The following NTRK3 variants were observed in gnomAD, a reference collection of about 807,000 sequenced individuals.
NTRK3 encodes the protein NT-3 growth factor receptor.
Under a neutral mutation model 91.7 loss-of-function variants are expected in NTRK3, and 24 were observed. That is an observed-to-expected ratio of 0.26 (90% CI 0.19 to 0.37). NTRK3 has a LOEUF of 0.37. Among genes scored for constraint, NTRK3 ranks in the 10% least tolerant of loss-of-function variants. The pLI is 1.00. For synonymous variants in NTRK3, 483 were observed against 404.0 expected (o/e 1.20, Z -2.34); for missense variants, 880 against 1,068.9 (o/e 0.82, Z 2.46).
chr15:88,228,538 G>A (rs1178510400), intron 3 of NTRK3, among the ~76,000 whole-genome samples: 1 of 152,106 alleles, frequency 6.6e-6, no homozygotes, highest in Non-Finnish European at 1.5e-5. Flanking sequence ...CTTCCTCTTG[G>A]TCAGTTGTGA....
chr15:88,028,378 G>A (rs1038654112), intron 14 of NTRK3, among the ~76,000 whole-genome samples: 2 of 152,212 alleles, frequency 1.3e-5, no homozygotes, highest in Admixed American at 1.3e-4. Flanking sequence ...AATCAGCACA[G>A]TGGAAAGTGA....
chr15:88,217,665 G>GA (rs1180021857), intron 3 of NTRK3, among the ~76,000 whole-genome samples: 1 of 152,218 alleles, frequency 6.6e-6, no homozygotes, highest in Admixed American at 6.5e-5. Context: ...AAGAGTTTGG[G>GA]AGACCAGTTA....
intron 14 of NTRK3, among the ~76,000 whole-genome samples, chr15:88,021,029 G>A (rs560815405): frequency 2.0e-5 from 3 of 152,190 alleles, no homozygotes; most frequent in Non-Finnish European, 4.4e-5. Context: ...GCCTGGAAAC[G>A]AGGAATGCAG....
rs1459362722 is a variant in NTRK3 at position 88,243,058 on chromosome 15, T to C, written c.248+12848A>G. On this transcript the variant is annotated intron_variant, in intron 3 of 18. Coordinates refer to ENST00000394480, the Ensembl canonical transcript of NTRK3. This position sits in a 1 kb window ranked among gnomAD's most constrained non-coding sequence, Gnocchi z 4.8. Reference sequence around the variant, plus strand: ...GCAGGCCCTAAAAATTAGGCCCTTCTTTCCACCCTCTTCCTTCAACACCAG... The same window carrying C: ...GCAGGCCCTAAAAATTAGGCCCTTCCTTCCACCCTCTTCCTTCAACACCAG... Among the ~76,000 whole-genome samples the C allele has an allele frequency of 2.0e-5, 3 of 152,178 alleles. No homozygotes were observed. Among genetic ancestry groups the C allele is most frequent in the Admixed American group, 1.3e-4 (2 of 15,278 alleles).
At chr15:88,082,478 G>A (rs1355608703) in intron 13 of NTRK3, among the ~76,000 whole-genome samples, 1 of 152,090 alleles carries the variant, frequency 6.6e-6, no homozygotes, top group African/African-American at 2.4e-5. Context: ...AATGCAGAAC[G>A]TTTCCAGTGT....
rs143825113 is a variant in NTRK3, at chr15:88,197,169, A to G, written c.249-12870T>C. Among the ~76,000 whole-genome samples the G allele has an allele frequency of 3.0e-3, 455 of 150,274 alleles. 1 individual carries two copies. The highest frequency in any genetic ancestry group is 4.8e-3 in the Non-Finnish European group (326 of 67,714). ...GTGATGTCTGCCCTGGGCACAGTAC[A>G]TGGAAGGACCATGAAAGTATCATCC... is the stretch of plus-strand genomic sequence containing the variant. On this transcript the variant is annotated intron_variant, in intron 3 of 18. Coordinates refer to ENST00000394480, the Ensembl canonical transcript of NTRK3.
At chr15:87,900,337 G>T (rs1175647291) in intron 17 of NTRK3, among the ~76,000 whole-genome samples, 1 of 152,130 alleles carries the variant, frequency 6.6e-6, no homozygotes, top group African/African-American at 2.4e-5. Context: ...AGGCCTAGAG[G>T]CATCTTTAGC....
chr15:88,033,215 T>TATATAA (rs1491311337), intron 13 of NTRK3, among the ~76,000 whole-genome samples, 170 bp from the exon 14 acceptor site: 1 of 126,742 alleles, frequency 7.9e-6, no homozygotes, highest in African/African-American at 3.0e-5. Context: ...TATATATATA[T>TATATAA]AAATTCAGTT....
At chr15:87,926,649 G>A (rs1165750912) in intron 17 of NTRK3, 1 of 152,208 alleles carries the variant, frequency 6.6e-6, no homozygotes, top group African/African-American at 2.4e-5. Flanking sequence ...CAAGGACAAA[G>A]AAATATCAAT....
intron 6 of NTRK3, among the ~76,000 whole-genome samples, chr15:88,145,513 G>A (rs1331389704): frequency 6.6e-6 from 1 of 152,174 alleles, no homozygotes; most frequent in African/African-American, 2.4e-5. Context: ...AGGCAAAGAT[G>A]AATGCAGAAT....
At chr15:88,088,519 T>G (rs1311907901) in intron 13 of NTRK3, among the ~76,000 whole-genome samples, 1 of 152,134 alleles carries the variant, frequency 6.6e-6, no homozygotes, top group African/African-American at 2.4e-5. Flanking sequence ...TAGTAGTAAT[T>G]GTAATAACAT....
intron 3 of NTRK3, among the ~76,000 whole-genome samples, chr15:88,196,074 T>C (rs1320027357): frequency 6.6e-6 from 1 of 152,214 alleles, no homozygotes; most frequent in Non-Finnish European, 1.5e-5. Context: ...GTGCATTGCA[T>C]AAAGACTTAT....
At chr15:87,870,838 A>G (rs571132634) in exon 19 of NTRK3, 1 of 225,118 alleles carries the variant, frequency 4.4e-6, no homozygotes, top group African/African-American at 2.2e-5. Context: ...TACATCTTCT[A>G]TTAGAAACTT....
chr15:88,251,974 T>C (rs1044983488), intron 3 of NTRK3, among the ~76,000 whole-genome samples: 64 of 152,230 alleles, frequency 4.2e-4, no homozygotes, highest in African/African-American at 1.5e-3. Context: ...GACAGAAGCT[T>C]GACCTGCTGG....
intron 13 of NTRK3, among the ~76,000 whole-genome samples, chr15:88,110,204 T>C (rs3784416): frequency 0.43 from 65,226 of 151,872 alleles, 14,305 homozygotes; most frequent in Non-Finnish European, 0.47. Flanking sequence ...ATTGGCCAGA[T>C]ACTGCACAAA....
chr15:88,182,937 T>C (rs1481766423), intron 5 of NTRK3, among the ~76,000 whole-genome samples: 1 of 152,116 alleles, frequency 6.6e-6, no homozygotes, highest in East Asian at 1.9e-4. Context: ...TCCACTTCTC[T>C]GAGCTTTTCC....
Position 87,898,823 on chromosome 15 carries a change from TAA to T in NTRK3, c.2134-18397_2134-18396del, listed in dbSNP as rs34425235. On this transcript the variant is annotated intron_variant, in intron 17 of 18. Transcript: ENST00000394480. ...CAACACAGTGAAACTCTGTCTCTAC[TAA>T]AAAAAAAAAAAAAAAAAAAATACAA... Among the ~76,000 whole-genome samples the T allele has an allele frequency of 9.1e-3, 944 of 103,928 alleles. 9 individuals are homozygous for T. The highest frequency in any genetic ancestry group is 0.033 in the Middle Eastern group (7 of 212). 68.2% of individuals were successfully genotyped at this position (103,928 alleles called of 152,430 possible). A position where few individuals can be genotyped will look rare whatever the true frequency, so the allele number is the denominator to read the frequency against.
rs200300586 is a variant in NTRK3, at chr15:87,885,668, T to TA, written c.2134-5241dup. 2,014 of 1,273,230 alleles carry TA rather than the reference T, an allele frequency of 1.6e-3. 26 individuals carry two copies. In the East Asian group the frequency reaches 0.034, roughly 22 times the overall value. The allele number at this position is 1,273,230 out of a possible 1,614,324, so 78.9% of individuals were successfully genotyped here. A position where few individuals can be genotyped will look rare whatever the true frequency, so the allele number is the denominator to read the frequency against. On this transcript the variant is annotated intron_variant, in intron 17 of 18. Coordinates refer to ENST00000394480, the Ensembl canonical transcript of NTRK3. ...AGTGTTGGGACAATGAACTATTCAT[T>TA]AAAAAAAATACGCTTAGATACCTAC...
chr15:88,254,444 G>A (rs2053781335), intron 3 of NTRK3, among the ~76,000 whole-genome samples: 1 of 152,164 alleles, frequency 6.6e-6, no homozygotes. Context: ...GGGGTGAACA[G>A]CAGAGCTGAG....
Sources: allele counts gnomAD v4.1 joint callset (sites outside exome capture counted in the v4.1 genomes callset), GRCh38; gene constraint gnomAD v4.1.1; non-coding constraint Gnocchi (gnomAD v3.1); transcripts MANE v1.5; gene names NCBI Gene and HGNC (gene_info 2026-07-23, HGNC 2026-07-21).